CSMD1: variants seen among roughly 807,000 people sequenced by gnomAD.
CSMD1 encodes the protein CUB and Sushi multiple domains 1.
A neutral mutation model predicts 417.5 loss-of-function variants in CSMD1; 213 were observed. The observed-to-expected ratio is 0.51, with a 90% CI of 0.46 to 0.57. The LOEUF is 0.57. CSMD1 is among the 20% of genes least tolerant of loss of function. The probability of loss-of-function intolerance (pLI) is 0.00; values close to 1 mark genes in which losing one functional copy is unlikely to be tolerated. For missense variants in CSMD1, 6,923 were observed against 4,529.7 expected (o/e 1.53, Z -15.17); for synonymous variants, 2,862 against 1,736.8 (o/e 1.65, Z -16.11).
intron 2 of CSMD1, among the ~76,000 whole-genome samples, chr8:4,424,451 T>C (rs1438197): frequency 0.15 from 22,910 of 151,912 alleles, 1,912 homozygotes; most frequent in South Asian, 0.27. Flanking sequence ...TCTACATCAA[T>C]AGACATCAGA....
At chr8:3,975,510 T>A (rs766085281) in intron 5 of CSMD1, among the ~76,000 whole-genome samples, 1 of 152,144 alleles carries the variant, frequency 6.6e-6, no homozygotes, top group Non-Finnish European at 1.5e-5. Context: ...CACAGAAACT[T>A]CATCCACAGG....
chr8:4,698,903 AACACAC>A (rs71988727), intron 1 of CSMD1, among the ~76,000 whole-genome samples: 2,781 of 140,194 alleles, frequency 0.02, 57 homozygotes, highest in East Asian at 0.095. Context: ...ATACCCTCCC[AACACAC>A]ACACACACAC....
intron 5 of CSMD1, among the ~76,000 whole-genome samples, chr8:3,839,366 A>C (rs1802947080): frequency 8.5e-6 from 1 of 118,216 alleles, no homozygotes; most frequent in Non-Finnish European, 1.6e-5. Flanking sequence ...ATTAATATAT[A>C]CTCTCTCTAG....
chr8:3,221,419 A>G (rs259852), intron 28 of CSMD1, among the ~76,000 whole-genome samples: 152,085 of 152,300 alleles, frequency 1, 75,935 homozygotes, highest in Middle Eastern at 1. Flanking sequence ...TATTTAGAGT[A>G]TTGGCAAGGA....
chr8:3,722,927 G>C (rs112527741), intron 6 of CSMD1, among the ~76,000 whole-genome samples: 162 of 150,208 alleles, frequency 1.1e-3, no homozygotes, highest in Non-Finnish European at 1.7e-3. Flanking sequence ...GTGTGTGCCA[G>C]TTTTTCTTGC....
chr8:4,544,491 T>C (rs1585229629), intron 2 of CSMD1, among the ~76,000 whole-genome samples: 1 of 152,258 alleles, frequency 6.6e-6, no homozygotes, highest in Non-Finnish European at 1.5e-5. Flanking sequence ...ACTTTTATTT[T>C]AGCTAATATA....
At chr8:4,809,196 T>G (rs369989635) in intron 1 of CSMD1, among the ~76,000 whole-genome samples, 18 of 152,222 alleles carry the variant, frequency 1.2e-4, no homozygotes, top group African/African-American at 4.1e-4. Flanking sequence ...ATCATCTGAA[T>G]TCACTGATAT....
intron 5 of CSMD1, among the ~76,000 whole-genome samples, chr8:3,797,110 A>G (rs936366539): frequency 7.9e-5 from 12 of 151,972 alleles, no homozygotes; most frequent in African/African-American, 2.4e-4. Flanking sequence ...CATTTAAAAC[A>G]TAAGTAAATA....
At chr8:4,615,732 C>T (rs953285459) in intron 2 of CSMD1, among the ~76,000 whole-genome samples, 7 of 151,934 alleles carry the variant, frequency 4.6e-5, no homozygotes, top group African/African-American at 1.7e-4. Flanking sequence ...TGTTAGGATC[C>T]CCAAATATAA....
intron 3 of CSMD1, among the ~76,000 whole-genome samples, chr8:4,186,535 C>A (rs1215036863): frequency 6.6e-6 from 1 of 152,114 alleles, no homozygotes; most frequent in Non-Finnish European, 1.5e-5. Context: ...GGTGACTTCA[C>A]AGCATTATAC....
At chr8:4,671,164 C>A (rs1805300571) in intron 1 of CSMD1, among the ~76,000 whole-genome samples, 1 of 152,142 alleles carries the variant, frequency 6.6e-6, no homozygotes, top group South Asian at 2.1e-4. Context: ...GATTTATGTA[C>A]CTATGATGCT....
chr8:3,772,340 C>A (rs1407966150), intron 5 of CSMD1, among the ~76,000 whole-genome samples: 40 of 140,430 alleles, frequency 2.8e-4, no homozygotes, highest in African/African-American at 1.1e-3. Context: ...TTTAGACATA[C>A]ATATATACAT....
At chr8:4,496,166 T>C (rs145234713) in intron 2 of CSMD1, among the ~76,000 whole-genome samples, 3 of 152,180 alleles carry the variant, frequency 2.0e-5, no homozygotes, top group Non-Finnish European at 2.9e-5. Flanking sequence ...GAAACCATAC[T>C]ATGAAGAGAA....
intron 1 of CSMD1, among the ~76,000 whole-genome samples, chr8:4,822,407 T>G (rs1447018178): frequency 2.0e-5 from 3 of 152,112 alleles, no homozygotes; most frequent in African/African-American, 7.2e-5. Context: ...TTGATGATTT[T>G]TTTAAAAAGA....
intron 3 of CSMD1, among the ~76,000 whole-genome samples, chr8:4,284,378 A>G (rs796312924): frequency 1.3e-5 from 1 of 75,896 alleles, no homozygotes. Flanking sequence ...CCCCCCACCC[A>G]CCCTCCCCAA....
intron 10 of CSMD1, among the ~76,000 whole-genome samples, chr8:3,572,783 CTATT>C (rs945761170): frequency 8.4e-4 from 128 of 152,232 alleles, no homozygotes; most frequent in African/African-American, 2.9e-3. Flanking sequence ...TGCATGTAAT[CTATT>C]TACTCTTAAC....
rs186571749 is a variant in CSMD1 at position 3,997,868 on chromosome 8, C to G, written c.818+35G>C. ...GGGGGAAAAAACGGGGAAAACACAC[C>G]TGTATCCTTTGTGGCATCTCTTCCC... On this transcript the variant is annotated intron_variant, in intron 5 of 69. Transcript: ENST00000635120. The G allele has an allele frequency of 2.5e-6, 4 of 1,577,110 alleles. No homozygotes were observed. The East Asian group carries it at 6.8e-5, about 27-fold the overall frequency.
chr8:4,059,849 AAT>A (rs1798880078), intron 3 of CSMD1, among the ~76,000 whole-genome samples: 2 of 149,344 alleles, frequency 1.3e-5, no homozygotes, highest in Admixed American at 6.7e-5. Flanking sequence ...TTCACAGCCG[AAT>A]ATTACCAGAG....
intron 52 of CSMD1, among the ~76,000 whole-genome samples, chr8:3,008,128 T>C (rs1023550874): frequency 6.6e-6 from 1 of 152,066 alleles, no homozygotes; most frequent in African/African-American, 2.4e-5. Context: ...GAGTATTGAG[T>C]CCATTTTCAT....
Sources: allele counts gnomAD v4.1 joint callset (sites outside exome capture counted in the v4.1 genomes callset), GRCh38; gene constraint gnomAD v4.1.1; transcripts MANE v1.5; gene names NCBI Gene and HGNC (gene_info 2026-07-23, HGNC 2026-07-21).